Variants in SYT14 observed in about 807,000 individuals in gnomAD.
SYT14 encodes the protein synaptotagmin-14.
Under a neutral mutation model 74.2 loss-of-function variants are expected in SYT14, and 32 were observed. The observed-to-expected ratio is 0.43, with a 90% CI of 0.33 to 0.58. SYT14 has a LOEUF of 0.58. Ranked by LOEUF, SYT14 falls within the 20% of genes least tolerant of loss-of-function variation. The pLI, the probability that SYT14 is intolerant of heterozygous loss-of-function variation, is 0.05. For synonymous variants in SYT14, 298 were observed against 337.7 expected (o/e 0.88, Z 1.29); for missense variants, 791 against 981.8 (o/e 0.81, Z 2.60).
At chr1:210,036,822 G>A (rs1378099437) in intron 5 of SYT14, among the ~76,000 whole-genome samples, 1 of 151,866 alleles carries the variant, frequency 6.6e-6, no homozygotes, top group Admixed American at 6.6e-5. Context: ...GTACTGCTAG[G>A]TTCAGTTTGC....
chr1:210,007,437 T>G lies in SYT14; in HGVS notation c.-485-6196T>G, dbSNP rs564589938. On this transcript the variant is annotated intron_variant, in intron 2 of 9. Transcript: ENST00000637265. ...CTTTAGTTTTTAAATTCATATTTGT[T>G]TTATTAGCTTTTCAAATGTGGCATA... Among the ~76,000 whole-genome samples, 4 of 152,128 alleles carry G rather than the reference T, an allele frequency of 2.6e-5. No individual in the cohort carries two copies. The East Asian group carries it at 7.7e-4, about 29-fold the overall frequency.
At chr1:209,997,642 A>T (rs561638727) in intron 2 of SYT14, among the ~76,000 whole-genome samples, 1 of 152,198 alleles carries the variant, frequency 6.6e-6, no homozygotes. Context: ...GGAACGTTGG[A>T]TACTCAGGGA....
chr1:210,019,131 C>CAAAAA (rs1215149823), intron 4 of SYT14, among the ~76,000 whole-genome samples: 762 of 56,162 alleles, frequency 0.014, 45 homozygotes, highest in Admixed American at 0.065. Context: ...TGAGACTCCT[C>CAAAAA]AAAAAAAAAA....
At chr1:209,951,170 C>T (rs1392887579) in intron 1 of SYT14, among the ~76,000 whole-genome samples, 1 of 152,084 alleles carries the variant, frequency 6.6e-6, no homozygotes, top group Non-Finnish European at 1.5e-5. Flanking sequence ...TTGAAATATA[C>T]AACACATTAT....
intron 7 of SYT14, among the ~76,000 whole-genome samples, chr1:210,128,843 A>G (rs957473035): frequency 6.6e-6 from 1 of 152,196 alleles, no homozygotes; most frequent in African/African-American, 2.4e-5. Flanking sequence ...TGATACATAA[A>G]TTGTTTTCCC....
rs200981834 is a variant in SYT14, at chr1:210,070,910, ATTTTT to A, written c.1313-23392_1313-23388del. Among the ~76,000 whole-genome samples, 218 of 116,294 alleles carry A rather than the reference ATTTTT, an allele frequency of 1.9e-3. 1 individual carries two copies. The highest frequency in any genetic ancestry group is 6.7e-3 in the African/African-American group (201 of 30,016). 76.3% of individuals were successfully genotyped at this position (116,294 alleles called of 152,430 possible). On this transcript the variant is annotated intron_variant, in intron 5 of 9. Coordinates refer to ENST00000637265, the Ensembl canonical transcript of SYT14. ...AATTCAACAAAGATAGTTGGGTATA[ATTTTT>A]TTTTTTTTTTTTTTTTTTTGGCTAG...
intron 7 of SYT14, among the ~76,000 whole-genome samples, chr1:210,151,442 A>G (rs1407850281): frequency 6.7e-6 from 1 of 150,082 alleles, no homozygotes; most frequent in Non-Finnish European, 1.5e-5. Flanking sequence ...CTGCTCTAGA[A>G]CTCCTGGGGT....
In SYT14 at chr1:210,081,746, T is replaced by C. The variant is rs145524194; in HGVS notation, c.1313-12576T>C. ...AACTATAGCCTCAGCCTCATAAGCA[T>C]CATGAACTACCCAACTACCTAGTAT... On this transcript the variant is annotated intron_variant, in intron 5 of 9. Transcript: ENST00000637265. Among the ~76,000 whole-genome samples, 57 of 152,314 alleles carry C rather than the reference T, an allele frequency of 3.7e-4. No homozygotes were observed. In the Middle Eastern group the frequency reaches 0.01, roughly 27 times the overall value.
At chr1:210,077,690 T>G (rs762391162) in intron 5 of SYT14, among the ~76,000 whole-genome samples, 1 of 152,242 alleles carries the variant, frequency 6.6e-6, no homozygotes, top group Non-Finnish European at 1.5e-5. Flanking sequence ...ATTGTACCAT[T>G]GTACGTTTCT....
exon 4 of SYT14, chr1:210,016,237 A>G (rs1259810817): frequency 1.6e-6 from 2 of 1,232,066 alleles, no homozygotes; most frequent in African/African-American, 1.6e-5. Context: ...CCGGGTTAAC[A>G]GAAGTCTCCA....
chr1:210,054,190 GTATTTGGTGGACACT>G (rs2081054209), intron 5 of SYT14, among the ~76,000 whole-genome samples: 1 of 152,020 alleles, frequency 6.6e-6, no homozygotes, highest in Non-Finnish European at 1.5e-5. Context: ...TTGATGCCAG[GTATTTGGTGGACACT>G]TTCAGTTTGA....
chr1:210,026,898 C>A (rs1227167863), intron 5 of SYT14, among the ~76,000 whole-genome samples: 1 of 151,892 alleles, frequency 6.6e-6, no homozygotes, highest in Non-Finnish European at 1.5e-5. Context: ...ACTAAAAATT[C>A]TCTCTGTATT....
In SYT14 at chr1:210,087,161, C is replaced by G. The variant is rs541893790; in HGVS notation, c.1313-7161C>G. Among the ~76,000 whole-genome samples, 30 of 152,296 alleles carry G rather than the reference C, an allele frequency of 2.0e-4. No homozygotes were observed. The East Asian group carries it at 5.6e-3, about 29-fold the overall frequency. On this transcript the variant is annotated intron_variant, in intron 5 of 9. Coordinates refer to ENST00000637265, the Ensembl canonical transcript of SYT14. ...CCTGCCTGAGTTTTAGTACCATGGT[C>G]CAGGACTCCTCCTTACTCCACATAG... is the stretch of plus-strand genomic sequence containing the variant.
intron 5 of SYT14, among the ~76,000 whole-genome samples, chr1:210,088,238 T>C (rs998949649): frequency 2.0e-5 from 3 of 151,848 alleles, no homozygotes; most frequent in African/African-American, 7.3e-5. Context: ...CTGGGATACA[T>C]GTGCAGAACA....
At chr1:210,148,826 G>A (rs1572381756) in intron 7 of SYT14, among the ~76,000 whole-genome samples, 2 of 151,970 alleles carry the variant, frequency 1.3e-5, no homozygotes, top group African/African-American at 2.4e-5. Context: ...GAAAAGGAAA[G>A]GTACCTAACT....
At chr1:210,061,741 G>C (rs1488593644) in intron 5 of SYT14, among the ~76,000 whole-genome samples, 3 of 151,846 alleles carry the variant, frequency 2.0e-5, no homozygotes, top group Non-Finnish European at 2.9e-5. Flanking sequence ...ATAGTAATCT[G>C]AATTTAAGTA....
chr1:209,959,019 A>AG (rs765603270), intron 2 of SYT14, among the ~76,000 whole-genome samples: 76 of 152,372 alleles, frequency 5.0e-4, no homozygotes, highest in Non-Finnish European at 7.3e-4. Context: ...CTAAAAAAAA[A>AG]TAGAGTTACC....
intron 7 of SYT14, among the ~76,000 whole-genome samples, chr1:210,105,846 C>T (rs1458732947): frequency 6.6e-6 from 1 of 152,064 alleles, no homozygotes; most frequent in Non-Finnish European, 1.5e-5. Flanking sequence ...GTGGCATCTC[C>T]CCCTCTCCCT....
chr1:210,088,491 T>TTTCCAGC (rs2081788516), intron 5 of SYT14, among the ~76,000 whole-genome samples: 1 of 151,918 alleles, frequency 6.6e-6, no homozygotes, highest in Admixed American at 6.6e-5. Context: ...AGAATGATGG[T>TTTCCAGC]TTCAAAGGAT....
Sources: gnomAD v4.1 joint callset for allele counts (sites outside exome capture counted in the v4.1 genomes callset) on GRCh38, gnomAD v4.1.1 for gene constraint, MANE v1.5 for transcripts, NCBI Gene and HGNC (gene_info 2026-07-23, HGNC 2026-07-21) for gene names.